Variants in SOX6 observed in about 807,000 individuals in gnomAD.
SOX6 encodes transcription factor SOX-6.
Under a neutral mutation model 97.8 loss-of-function variants are expected in SOX6, and 11 were observed. The observed-to-expected ratio is 0.11, with a 90% CI of 0.07 to 0.19. SOX6 has a LOEUF of 0.19. Among genes scored for constraint, SOX6 ranks in the 10% least tolerant of loss-of-function variants. The probability of loss-of-function intolerance (pLI) is 1.00; values close to 1 mark genes in which losing one functional copy is unlikely to be tolerated. For missense variants in SOX6, 810 were observed against 1,039.5 expected (o/e 0.78, Z 3.04); for synonymous variants, 360 against 371.4 (o/e 0.97, Z 0.35).
Position 15,989,164 on chromosome 11 carries a change from G to C in SOX6, c.1799C>G (p.Ala600Gly). Residue 600 changes from alanine to glycine, a missense_variant, in exon 14 of 16, where the codon GCC becomes GGC. Ala to Gly is a moderately conservative substitution (Grantham distance 60). Coordinates refer to ENST00000683767, the MANE Select transcript of SOX6 (RefSeq NM_001367873.1). Reference sequence around the variant, plus strand: ...GTAGACTCGTGCTTCAGCCACAGTGGCACCTCCTGTTGGCCAACAATAATA... The same window carrying C: ...GTAGACTCGTGCTTCAGCCACAGTGCCACCTCCTGTTGGCCAACAATAATA... ...QQYYCWPTGG[A>G]TVAEARVYRD... is the part of the protein sequence containing the mutation. The C allele has an allele frequency of 6.2e-7, 1 of 1,614,130 alleles. No individual in the cohort carries two copies. The highest frequency in any genetic ancestry group is 2.2e-5 in the East Asian group (1 of 44,880).
At chr11:16,385,912 C>G (rs1857969694) in intron 1 of SOX6, among the ~76,000 whole-genome samples, 1 of 152,074 alleles carries the variant, frequency 6.6e-6, no homozygotes, top group Non-Finnish European at 1.5e-5. Context: ...AATAGTCATT[C>G]AAACTAAGAG....
chr11:16,079,413 A>G (rs1448705479), intron 9 of SOX6, among the ~76,000 whole-genome samples: 2 of 152,246 alleles, frequency 1.3e-5, no homozygotes, highest in African/African-American at 4.8e-5. Flanking sequence ...ACTAGTTGGA[A>G]ATGAACATGC....
intron 3 of SOX6, among the ~76,000 whole-genome samples, chr11:16,689,467 G>A (rs1354723610): frequency 6.6e-6 from 1 of 152,092 alleles, no homozygotes; most frequent in African/African-American, 2.4e-5. Flanking sequence ...GATGTCCAAT[G>A]GCTTGAAAAC....
In SOX6 at chr11:16,300,441, G is replaced by T. The variant is rs1855224905; in HGVS notation, c.445+18005C>A. ...TATTCTGACAAGCACTGTCTGGAGA[G>T]CTCTCAATAAATAATACATTGACAA... On this transcript the variant is annotated intron_variant, in intron 3 of 15. Transcript: ENST00000683767. The surrounding 1 kb of genome is among the most constrained non-coding windows in gnomAD (Gnocchi z 4.1). 6.6e-6 allele frequency among the ~76,000 whole-genome samples: 1 copy of T among 152,110 alleles called. No homozygotes were observed. The highest frequency in any genetic ancestry group is 1.5e-5 in the Non-Finnish European group (1 of 68,024).
At chr11:16,410,714 A>C (rs1448309619) in intron 1 of SOX6, among the ~76,000 whole-genome samples, 2 of 145,860 alleles carry the variant, frequency 1.4e-5, no homozygotes, top group East Asian at 4.1e-4. Context: ...AGTCATGATC[A>C]TGCCACTGCA....
At chr11:16,075,985 T>C (rs1225956694) in intron 9 of SOX6, among the ~76,000 whole-genome samples, 1 of 152,042 alleles carries the variant, frequency 6.6e-6, no homozygotes, top group Non-Finnish European at 1.5e-5. Context: ...TCCCATGACA[T>C]GTGGGGATTA....
intron 13 of SOX6, among the ~76,000 whole-genome samples, chr11:15,991,908 C>T (rs1306710890): frequency 6.6e-6 from 1 of 152,176 alleles, no homozygotes; most frequent in East Asian, 1.9e-4. Flanking sequence ...TTCCTACTCT[C>T]TTCTACTTTA....
intron 3 of SOX6, among the ~76,000 whole-genome samples, chr11:16,663,443 C>T (rs892469697): frequency 6.6e-6 from 1 of 152,086 alleles, no homozygotes; most frequent in Non-Finnish European, 1.5e-5. Context: ...CTGCTTCAGC[C>T]CCCCAAGTGG....
intron 4 of SOX6, among the ~76,000 whole-genome samples, chr11:16,191,143 G>A (rs979364874): frequency 3.9e-5 from 6 of 152,134 alleles, no homozygotes; most frequent in Non-Finnish European, 7.3e-5. Flanking sequence ...ATGCTCTTAT[G>A]CATTAACTCT....
chr11:16,545,026 C>A (rs1185203038), intron 4 of SOX6, among the ~76,000 whole-genome samples: 1 of 151,894 alleles, frequency 6.6e-6, no homozygotes, highest in Non-Finnish European at 1.5e-5. Flanking sequence ...AGTTCAACAC[C>A]AGCCTAGGCA....
At chr11:16,043,137 T>C (rs928365529) in intron 12 of SOX6, among the ~76,000 whole-genome samples, 5 of 152,214 alleles carry the variant, frequency 3.3e-5, no homozygotes, top group African/African-American at 7.2e-5. Flanking sequence ...AATTCTGTTA[T>C]GTATTGTCAT....
At chr11:16,465,665 A>G (rs1860016697) in intron 1 of SOX6, 1 of 152,210 alleles carries the variant, frequency 6.6e-6, no homozygotes, top group African/African-American at 2.4e-5. Context: ...CGATGTCAGG[A>G]TAAAAAAGGG....
At chr11:16,727,996 C>T (rs2134058074) in intron 2 of SOX6, among the ~76,000 whole-genome samples, 1 of 152,232 alleles carries the variant, frequency 6.6e-6, no homozygotes, top group African/African-American at 2.4e-5. Context: ...GTGGAGCCCA[C>T]CTCAGCACCG....
chr11:16,453,753 T>C (rs530265951), intron 1 of SOX6, among the ~76,000 whole-genome samples: 1 of 152,106 alleles, frequency 6.6e-6, no homozygotes, highest in Non-Finnish European at 1.5e-5. Flanking sequence ...TTGAGTGAAG[T>C]ACACTGACAA....
intron 7 of SOX6, among the ~76,000 whole-genome samples, chr11:16,111,073 A>C (rs1056639934): frequency 6.6e-6 from 1 of 152,206 alleles, no homozygotes; most frequent in Admixed American, 6.5e-5. Context: ...TTACTTGACT[A>C]TCTTCTTACA....
intron 6 of SOX6, among the ~76,000 whole-genome samples, chr11:16,180,394 T>C (rs866286291): frequency 1.3e-5 from 2 of 151,840 alleles, no homozygotes; most frequent in Middle Eastern, 3.4e-3. Flanking sequence ...TATGAATCAA[T>C]ATTCCCAACT....
At chr11:16,680,343 A>C (rs1319509257) in intron 3 of SOX6, among the ~76,000 whole-genome samples, 1 of 152,220 alleles carries the variant, frequency 6.6e-6, no homozygotes, top group Admixed American at 6.5e-5. Context: ...CCAGAATTTC[A>C]TATCCAGCCA....
intron 3 of SOX6, among the ~76,000 whole-genome samples, chr11:16,234,973 T>C (rs1216696828): frequency 1.3e-5 from 2 of 152,018 alleles, no homozygotes; most frequent in African/African-American, 2.4e-5. Flanking sequence ...CTTAGACTGA[T>C]AGTACAGAAA....
At chr11:15,993,049 T>C (rs1399346065) in intron 13 of SOX6, among the ~76,000 whole-genome samples, 4 of 152,146 alleles carry the variant, frequency 2.6e-5, no homozygotes. Context: ...TGAAACAAAA[T>C]GGTTAAAGAA....
Sources: gnomAD v4.1 joint callset for allele counts (sites outside exome capture counted in the v4.1 genomes callset) on GRCh38, gnomAD v4.1.1 for gene constraint, Gnocchi (gnomAD v3.1) non-coding constraint, MANE v1.5 for transcripts, NCBI Gene and HGNC (gene_info 2026-07-23, HGNC 2026-07-21) for gene names.